Variants in KIAA0930 observed in about 807,000 individuals in gnomAD.
KIAA0930 encodes KIAA0930.
Under a neutral mutation model 43.9 loss-of-function variants are expected in KIAA0930, and 24 were observed. The ratio of observed to expected loss-of-function variants is 0.55; its 90% confidence interval spans 0.40 to 0.77. The LOEUF (loss-of-function observed/expected upper bound fraction) is 0.77. KIAA0930 is among the 30% of genes least tolerant of loss of function. KIAA0930 has a pLI of 0.00. For missense variants in KIAA0930, 461 were observed against 574.2 expected, an observed-to-expected ratio of 0.80 and a Z score of 2.02; for synonymous variants, 259 against 216.4, an observed-to-expected ratio of 1.20 and a Z score of -1.73.
intron 2 of KIAA0930, 33 bp downstream of exon 2, chr22:45,211,923 C>G (rs780813000): frequency 1.9e-6 from 3 of 1,599,452 alleles, no homozygotes; most frequent in East Asian, 4.5e-5. Flanking sequence ...GCTTGGGGCA[C>G]AGACGCAGGG....
At chr22:45,199,779 CAAAT>C (rs1485655941) in intron 8 of KIAA0930, 90 bp downstream of exon 8, 6 of 1,269,000 alleles carry the variant, frequency 4.7e-6, no homozygotes, top group Non-Finnish European at 6.4e-6. Context: ...GCTGAATGAA[CAAAT>C]GAATGAATGA....
chr22:45,235,422 G>C (rs1377034818), intron 1 of KIAA0930: 1 of 152,220 alleles, frequency 6.6e-6, no homozygotes, highest in Non-Finnish European at 1.5e-5. Context: ...GTAGAGGCCG[G>C]AACCCACAAC....
chr22:45,206,122 C>T (rs2083635962), intron 2 of KIAA0930, among the ~76,000 whole-genome samples: 1 of 152,180 alleles, frequency 6.6e-6, no homozygotes, highest in Admixed American at 6.5e-5. Context: ...CTCAAATGAT[C>T]CTCTCACTTC....
chr22:45,236,821 TAA>T (rs1390566130), intron 1 of KIAA0930, among the ~76,000 whole-genome samples: 1 of 152,104 alleles, frequency 6.6e-6, no homozygotes, highest in Admixed American at 6.5e-5. Flanking sequence ...AGAATGAACA[TAA>T]AATGCCCCTT....
Position 45,212,097 on chromosome 22 carries a change from C to T in KIAA0930, c.75G>A (p.Lys25=). Residue 25 remains lysine (K), a synonymous_variant, in exon 2 of 10, where the codon AAG becomes AAA. Coordinates refer to ENST00000336156, the MANE Select transcript of KIAA0930 (RefSeq NM_001009880.2). ...AAGTCCAGAAGACGATGCGGTCATC[C>T]TTGAAGCACCCTGCAGAGGGAGGCC... ...RREVCGLGCF[K]DDRIVFWTWM... The T allele has an allele frequency of 6.2e-7, 1 of 1,613,732 alleles. No homozygotes were observed. The highest frequency in any genetic ancestry group is 8.5e-7 in the Non-Finnish European group (1 of 1,179,924).
At chr22:45,207,986 A>G (rs1691549750) in intron 2 of KIAA0930, among the ~76,000 whole-genome samples, 1 of 152,162 alleles carries the variant, frequency 6.6e-6, no homozygotes, top group Admixed American at 6.5e-5. Context: ...CTGTGGACTC[A>G]GTGAATGAAA....
rs141238406 is a variant in KIAA0930 at position 45,225,701 on chromosome 22, G to C, written c.65-13594C>G. Among the ~76,000 whole-genome samples the C allele has an allele frequency of 7.7e-3, 1,173 of 152,238 alleles. 13 individuals are homozygous for C. The highest frequency in any genetic ancestry group is 0.026 in the African/African-American group (1,082 of 41,548). ...CCTCCACCTTTGCAGTCACCCCCTC[G>C]GGGTGCCTTCCTTACCACCCCACCC... On this transcript the variant is annotated intron_variant, in intron 1 of 9. Transcript: ENST00000336156.
At chr22:45,213,705 T>C (rs2083713950) in intron 1 of KIAA0930, among the ~76,000 whole-genome samples, 3 of 152,228 alleles carry the variant, frequency 2.0e-5, no homozygotes, top group South Asian at 2.1e-4. Flanking sequence ...CAGAATAAAT[T>C]TGGTCTTTAA....
In KIAA0930 at chr22:45,192,687, A is replaced by C. The variant is rs2083499929; in HGVS notation, c.*4489T>G. ...GGGTTGCAGGGTCACTGTTATTTTGATCTGCTGAGCTCAAGGACTGGAAAC... is the reference window on the plus strand; with the variant it reads ...GGGTTGCAGGGTCACTGTTATTTTGCTCTGCTGAGCTCAAGGACTGGAAAC... On this transcript the variant is annotated 3_prime_UTR_variant, in exon 10 of 10. Coordinates refer to ENST00000336156, the MANE Select transcript of KIAA0930 (RefSeq NM_001009880.2). The C allele has an allele frequency of 1.3e-5, 2 of 152,176 alleles. No individual in the cohort carries two copies. The allele number at this position is 152,176 out of a possible 1,614,324, so 9.4% of individuals were successfully genotyped here.
In KIAA0930 at chr22:45,208,562, G is replaced by A. The variant is rs1011359169; in HGVS notation, c.217-2650C>T. 2.4e-4 allele frequency among the ~76,000 whole-genome samples: 29 copies of A among 120,778 alleles called. 1 individual carries two copies. The highest frequency in any genetic ancestry group is 6.4e-4 in the African/African-American group (23 of 35,992). The allele number at this position is 120,778 out of a possible 152,430, so 79.2% of individuals were successfully genotyped here. The stretch of plus-strand genomic sequence containing the variant: ...CTGTGAGAACAGGCAGAACCCGCCC[G>A]GGAAGTTTGAGGAGACAGAGCAGCA... On this transcript the variant is annotated intron_variant, in intron 2 of 9. Transcript: ENST00000336156.
intron 1 of KIAA0930, among the ~76,000 whole-genome samples, chr22:45,214,342 A>T (rs142245072): frequency 2.0e-5 from 3 of 152,224 alleles, no homozygotes; most frequent in African/African-American, 7.2e-5. Context: ...CAGCATCTTT[A>T]TTCGTAACGG....
chr22:45,197,727 G>C (rs561515696), intron 9 of KIAA0930, 63 bp downstream of exon 9: 5 of 1,575,014 alleles, frequency 3.2e-6, no homozygotes, highest in South Asian at 1.1e-5. Context: ...CAAGTACCAA[G>C]GCCCTGGAGG....
intron 1 of KIAA0930, among the ~76,000 whole-genome samples, chr22:45,217,003 C>G (rs1272138337): frequency 6.6e-6 from 1 of 152,224 alleles, no homozygotes; most frequent in Non-Finnish European, 1.5e-5. Context: ...TTAGGGTCCT[C>G]TGATCACATT....
chr22:45,224,250 A>C (rs558243409), intron 1 of KIAA0930, among the ~76,000 whole-genome samples: 2 of 152,356 alleles, frequency 1.3e-5, no homozygotes, highest in South Asian at 4.1e-4. Context: ...AAGGAATTAC[A>C]CGCACATGCC....
intron 1 of KIAA0930, among the ~76,000 whole-genome samples, chr22:45,216,731 C>T (rs1250746047): frequency 1.3e-5 from 2 of 152,114 alleles, no homozygotes; most frequent in Non-Finnish European, 2.9e-5. Flanking sequence ...TCCCTTCTCC[C>T]TACCGTCTTG....
chr22:45,203,444 G>A (rs966096995), intron 6 of KIAA0930, among the ~76,000 whole-genome samples: 9 of 152,280 alleles, frequency 5.9e-5, no homozygotes, highest in East Asian at 1.9e-4. Flanking sequence ...GGCTGGCTGC[G>A]GATGGTGCCC....
chr22:45,231,873 C>T (rs934075889), intron 1 of KIAA0930, among the ~76,000 whole-genome samples: 13 of 152,128 alleles, frequency 8.5e-5, no homozygotes, highest in South Asian at 2.1e-4. Flanking sequence ...TGCCTGTAGT[C>T]CCAGCTACTC....
intron 1 of KIAA0930, among the ~76,000 whole-genome samples, chr22:45,222,223 G>A (rs562863310): frequency 6.6e-6 from 1 of 152,182 alleles, no homozygotes; most frequent in South Asian, 2.1e-4. Flanking sequence ...AACCATGAGA[G>A]GATTTTTTAT....
At chr22:45,215,758 C>A (rs961954355) in intron 1 of KIAA0930, among the ~76,000 whole-genome samples, 1 of 152,172 alleles carries the variant, frequency 6.6e-6, no homozygotes, top group East Asian at 1.9e-4. Context: ...GGTAAACAGA[C>A]GAGAACGCTA....
Sources: gnomAD v4.1 joint callset for allele counts (sites outside exome capture counted in the v4.1 genomes callset) on GRCh38, gnomAD v4.1.1 for gene constraint, MANE v1.5 for transcripts, NCBI Gene and HGNC (gene_info 2026-07-23, HGNC 2026-07-21) for gene names.